Variants in NRG1 observed in about 807,000 individuals in gnomAD.
The protein encoded by NRG1 is pro-neuregulin-1, membrane-bound isoform.
In NRG1, 18 loss-of-function variants were observed where a neutral mutation model predicts 63.8. The ratio of observed to expected loss-of-function variants is 0.28; its 90% CI spans 0.19 to 0.42. The LOEUF is 0.42. Among genes scored for constraint, NRG1 ranks in the 10% least tolerant of loss-of-function variants. The probability of loss-of-function intolerance (pLI) is 1.00; values close to 1 mark genes in which losing one functional copy is unlikely to be tolerated. For synonymous variants in NRG1, 302 were observed against 301.3 expected (o/e 1.00, Z -0.02); for missense variants, 762 against 814.7 (o/e 0.94, Z 0.79).
At chr8:32,037,225 C>T (rs373546137) in intron 1 of NRG1, among the ~76,000 whole-genome samples, 31 of 152,176 alleles carry the variant, frequency 2.0e-4, no homozygotes, top group African/African-American at 7.5e-4. Context: ...GGGTCCACTT[C>T]AGACCCTATT....
intron 1 of NRG1, among the ~76,000 whole-genome samples, chr8:31,673,471 G>C (rs1807366245): frequency 6.6e-6 from 1 of 152,112 alleles, no homozygotes; most frequent in Non-Finnish European, 1.5e-5. Context: ...TTTGTTAATG[G>C]TAGCTACTGA....
At chr8:31,855,912 C>T in intron 1 of NRG1, among the ~76,000 whole-genome samples, 1 of 150,680 alleles carries the variant, frequency 6.6e-6, no homozygotes, top group East Asian at 2.0e-4. Context: ...GTTGAAAATT[C>T]TTTTCTTTAA....
At chr8:31,996,723 G>T (rs1209127873) in intron 1 of NRG1, among the ~76,000 whole-genome samples, 3 of 151,822 alleles carry the variant, frequency 2.0e-5, no homozygotes, top group African/African-American at 4.8e-5. Flanking sequence ...TCAAAGAAAA[G>T]AAAAGAAAAG....
intron 1 of NRG1, among the ~76,000 whole-genome samples, chr8:32,220,425 C>G (rs986176777): frequency 6.6e-6 from 1 of 150,944 alleles, no homozygotes; most frequent in Non-Finnish European, 1.5e-5. Flanking sequence ...AGGGACGGAG[C>G]GGAGCAGGGG....
chr8:31,924,733 G>A (rs186011097), intron 1 of NRG1, among the ~76,000 whole-genome samples: 153 of 149,458 alleles, frequency 1.0e-3, no homozygotes, highest in Middle Eastern at 3.5e-3. Flanking sequence ...TCTAATATAT[G>A]CATGTTAGGC....
chr8:32,278,558 C>T (rs1200047840), intron 1 of NRG1, among the ~76,000 whole-genome samples: 2 of 152,156 alleles, frequency 1.3e-5, no homozygotes, highest in Admixed American at 6.6e-5. Flanking sequence ...ACCCAAATCT[C>T]GCTATCCTCA....
intron 1 of NRG1, among the ~76,000 whole-genome samples, chr8:31,854,591 T>A (rs886443298): frequency 2.6e-5 from 4 of 152,074 alleles, no homozygotes; most frequent in African/African-American, 4.8e-5. Flanking sequence ...TTTTGAAGGG[T>A]TTTTTGTGTC....
At chr8:31,896,343 G>C (rs1210747052) in intron 1 of NRG1, among the ~76,000 whole-genome samples, 1 of 152,190 alleles carries the variant, frequency 6.6e-6, no homozygotes, top group East Asian at 1.9e-4. Flanking sequence ...CCTAATCCCT[G>C]TCCTTAATAA....
At chr8:32,012,889 G>T (rs752755356) in intron 1 of NRG1, among the ~76,000 whole-genome samples, 1 of 152,002 alleles carries the variant, frequency 6.6e-6, no homozygotes, top group Non-Finnish European at 1.5e-5. Flanking sequence ...TTTTTTTTAC[G>T]CATTTTTGTG....
At chr8:32,080,144 G>A (rs1337344388) in intron 1 of NRG1, among the ~76,000 whole-genome samples, 4 of 152,054 alleles carry the variant, frequency 2.6e-5, no homozygotes, top group African/African-American at 9.7e-5. Context: ...AAATTATAAT[G>A]TTTATCCTGC....
intron 5 of NRG1, among the ~76,000 whole-genome samples, chr8:32,704,652 C>T (rs1444317661): frequency 6.6e-6 from 1 of 152,186 alleles, no homozygotes; most frequent in Non-Finnish European, 1.5e-5. Flanking sequence ...GTGTTGCCTG[C>T]ACTTCTGTGC....
chr8:32,660,391 A>G (rs978097315), intron 5 of NRG1, among the ~76,000 whole-genome samples: 7 of 152,222 alleles, frequency 4.6e-5, no homozygotes, highest in African/African-American at 1.7e-4. Flanking sequence ...TGGGAGTGGA[A>G]GAGGAAGAAA....
chr8:31,677,395 A>G (rs755270067), intron 1 of NRG1, among the ~76,000 whole-genome samples: 2 of 152,182 alleles, frequency 1.3e-5, no homozygotes, highest in African/African-American at 2.4e-5. Context: ...TATGGATTCT[A>G]AATAGATTCT....
chr8:31,714,146 G>C (rs924171934), intron 1 of NRG1, among the ~76,000 whole-genome samples: 1 of 152,166 alleles, frequency 6.6e-6, no homozygotes, highest in Non-Finnish European at 1.5e-5. Context: ...TGTATGCTTG[G>C]AAGTGTGAAC....
At chr8:31,747,256 C>T (rs548572573) in intron 1 of NRG1, among the ~76,000 whole-genome samples, 1 of 152,046 alleles carries the variant, frequency 6.6e-6, no homozygotes, top group East Asian at 1.9e-4. Context: ...CATTGCATGC[C>T]TGTATCAAAG....
At chr8:32,089,096 G>C (rs1170011415) in intron 1 of NRG1, among the ~76,000 whole-genome samples, 1 of 152,132 alleles carries the variant, frequency 6.6e-6, no homozygotes, top group East Asian at 1.9e-4. Flanking sequence ...TTGTGTCTGT[G>C]CTCATGTGCA....
chr8:32,197,712 C>T (rs563956259), intron 1 of NRG1, among the ~76,000 whole-genome samples: 281 of 152,300 alleles, frequency 1.8e-3, no homozygotes, highest in Non-Finnish European at 3.5e-3. Context: ...AAAATGGGGG[C>T]TTGCCAGAGT....
intron 1 of NRG1, among the ~76,000 whole-genome samples, chr8:32,291,954 C>A (rs1361604204): frequency 6.6e-6 from 1 of 152,170 alleles, no homozygotes; most frequent in Admixed American, 6.5e-5. Flanking sequence ...GAGTTTATAG[C>A]ATACCTTCTC....
intron 1 of NRG1, among the ~76,000 whole-genome samples, chr8:31,808,173 A>G (rs947729688): frequency 6.6e-6 from 1 of 152,072 alleles, no homozygotes; most frequent in Non-Finnish European, 1.5e-5. Flanking sequence ...CATGATTAAA[A>G]GTTATGTTTC....
Sources: gnomAD v4.1 joint callset for allele counts (sites outside exome capture counted in the v4.1 genomes callset) on GRCh38, gnomAD v4.1.1 for gene constraint, MANE v1.5 for transcripts, NCBI Gene and HGNC (gene_info 2026-07-23, HGNC 2026-07-21) for gene names.